Variants in RECK observed in about 807,000 individuals in gnomAD.
RECK encodes the protein reversion-inducing cysteine-rich protein with Kazal motifs.
RECK carries 69 observed loss-of-function variants against 115.1 expected under a neutral mutation model. The observed-to-expected ratio is 0.60, with a 90% CI of 0.49 to 0.73. The LOEUF (loss-of-function observed/expected upper bound fraction) is 0.73, where lower values mean the gene tolerates loss of function less well. RECK is among the 30% of genes least tolerant of loss of function. The pLI, the probability that RECK is intolerant of heterozygous loss-of-function variation, is 0.00. For missense variants in RECK, 1,047 were observed against 1,203.7 expected (o/e 0.87, Z 1.93); for synonymous variants, 414 against 419.7 (o/e 0.99, Z 0.17).
chr9:36,049,155 G>A (rs1041163238), intron 1 of RECK, among the ~76,000 whole-genome samples: 5 of 152,168 alleles, frequency 3.3e-5, no homozygotes, highest in Non-Finnish European at 7.3e-5. Context: ...GGAATCAGGT[G>A]CATCATCTTC....
chr9:36,096,985 C>T (rs1191799583), intron 10 of RECK, among the ~76,000 whole-genome samples: 1 of 151,838 alleles, frequency 6.6e-6, no homozygotes, highest in East Asian at 1.9e-4. Context: ...ACATAAATAA[C>T]TCCTACAACA....
chr9:36,087,195 T>C (rs1283946568), intron 8 of RECK, among the ~76,000 whole-genome samples: 3 of 151,918 alleles, frequency 2.0e-5, no homozygotes, highest in East Asian at 3.9e-4. Context: ...TGCACACATA[T>C]GTTTATTGCA....
intron 6 of RECK, among the ~76,000 whole-genome samples, chr9:36,078,120 T>G (rs2132616141): frequency 6.6e-6 from 1 of 152,390 alleles, no homozygotes; most frequent in African/African-American, 2.4e-5. Flanking sequence ...CAATAAAAAC[T>G]TTATTTCCAA....
intron 9 of RECK, 128 bp downstream of exon 9, chr9:36,088,089 T>C: frequency 1.5e-6 from 1 of 688,990 alleles, no homozygotes; most frequent in Non-Finnish European, 2.4e-6. Context: ...TATAAAATAT[T>C]ATTTCATCCA....
chr9:36,042,020 A>C (rs1820886418), intron 1 of RECK, among the ~76,000 whole-genome samples: 1 of 151,786 alleles, frequency 6.6e-6, no homozygotes, highest in Non-Finnish European at 1.5e-5. Flanking sequence ...ATTTTTTTGT[A>C]CTTTTTTCCT....
At chr9:36,113,160 G>A (rs1237500425) in intron 16 of RECK, among the ~76,000 whole-genome samples, 2 of 152,154 alleles carry the variant, frequency 1.3e-5, no homozygotes, top group Non-Finnish European at 2.9e-5. Context: ...TTCTGTATGG[G>A]GCAGCCACCA....
At position 36,084,410 on chromosome 9, in the gene RECK, A is replaced by G. The variant is rs184348282; in HGVS notation, c.637+848A>G. 1.4e-4 allele frequency among the ~76,000 whole-genome samples: 21 copies of G among 151,010 alleles called. No homozygotes were observed. The East Asian group carries it at 3.5e-3, about 25-fold the overall frequency. Reference sequence around the variant, plus strand: ...TGTCTAAAAAAACAAAACAAAACAAAAAGGCCAGGCACGGTGGCTCACGCC... The same window carrying G: ...TGTCTAAAAAAACAAAACAAAACAAGAAGGCCAGGCACGGTGGCTCACGCC... On this transcript the variant is annotated intron_variant, in intron 8 of 20. Coordinates refer to ENST00000377966, the MANE Select transcript of RECK (RefSeq NM_021111.3).
Position 36,042,423 on chromosome 9 carries a change from AGTGTGTGTGT to A in RECK, c.100+5358_100+5367del, listed in dbSNP as rs35193636. Among the ~76,000 whole-genome samples, 148 of 144,454 alleles carry A rather than the reference AGTGTGTGTGT, an allele frequency of 1.0e-3. 1 individual carries two copies. Among genetic ancestry groups the A allele is most frequent in the Middle Eastern group, 3.5e-3 (1 of 286 alleles). 94.8% of individuals were successfully genotyped at this position (144,454 alleles called of 152,430 possible). ...TTTTTATGGCTGAGTAGTATTCCAT[AGTGTGTGTGT>A]GTGTGTGTGTGTGTGTGTGTGTGTG... On this transcript the variant is annotated intron_variant, in intron 1 of 20. Coordinates refer to ENST00000377966, the MANE Select transcript of RECK (RefSeq NM_021111.3).
intron 6 of RECK, among the ~76,000 whole-genome samples, chr9:36,073,167 T>G (rs545186522): frequency 2.6e-5 from 4 of 151,424 alleles, no homozygotes; most frequent in African/African-American, 4.9e-5. Flanking sequence ...TATTACTTTC[T>G]CTACCTTTTC....
intron 9 of RECK, 105 bp from the exon 10 acceptor site, chr9:36,091,059 C>T: frequency 1.0e-6 from 1 of 963,548 alleles, no homozygotes; most frequent in Non-Finnish European, 1.5e-6. Flanking sequence ...CTTTTTTTCT[C>T]ACATACGTTC....
In RECK at chr9:36,052,286, C is replaced by T; in HGVS notation, c.122C>T (p.Ser41Leu). 1 of 1,609,230 alleles carries T rather than the reference C, an allele frequency of 6.2e-7. No individual in the cohort carries two copies. Among genetic ancestry groups the T allele is most frequent in the South Asian group, 1.1e-5 (1 of 90,926 alleles). Residue 41 changes from serine (S) to leucine (L), a missense_variant, in exon 2 of 21, where the codon TCA becomes TTA. Physicochemically the swap from Ser to Leu is moderately radical, Grantham distance 145. Coordinates refer to ENST00000377966, the MANE Select transcript of RECK (RefSeq NM_021111.3). ...CTAGGTGCATTGTGTTGTAATCATT[C>T]AAAGGATAACCAAATGTGCCGTGAT... The part of the protein sequence containing the change: ...GSAGALCCNH[S>L]KDNQMCRDVC...
chr9:36,063,725 G>C, intron 4 of RECK, 70 bp from the exon 5 acceptor site: 1 of 1,422,970 alleles, frequency 7.0e-7, no homozygotes. Flanking sequence ...TAGTAGCCTT[G>C]AAACATCTGG....
At chr9:36,120,038 T>C (rs1363393013) in intron 18 of RECK, among the ~76,000 whole-genome samples, 1 of 151,838 alleles carries the variant, frequency 6.6e-6, no homozygotes, top group African/African-American at 2.4e-5. Context: ...ATCGAAACCA[T>C]CCTGACTAAC....
intron 10 of RECK, among the ~76,000 whole-genome samples, chr9:36,095,120 T>A (rs1288295597): frequency 1.3e-5 from 2 of 152,170 alleles, no homozygotes; most frequent in Non-Finnish European, 2.9e-5. Flanking sequence ...TGCTTGAACC[T>A]GGGAGGCAGA....
Position 36,108,018 on chromosome 9 carries a change from G to A in RECK, c.1619G>A (p.Gly540Glu), listed in dbSNP as rs1446892862. Residue 540 changes from glycine (G) to glutamate (E), a missense_variant, in exon 14 of 21, where the codon GGG becomes GAG. Transcript: ENST00000377966. ...GCTTCTGATTTCATTGTCCGTCAAG[G>A]GACACTAATCCAGGTGCCATCATCT... ...GEASDFIVRQ[G>E]TLIQVPSSAG... 1.9e-6 allele frequency: 3 copies of A among 1,613,428 alleles called. No homozygotes were observed. The Admixed American group carries it at 5.0e-5, about 27-fold the overall frequency.
rs557241355 is a variant in RECK at position 36,123,084 on chromosome 9, C to G, written c.*39C>G. 6.6e-7 allele frequency: 1 copy of G among 1,519,674 alleles called. No homozygotes were observed. The highest frequency in any genetic ancestry group is 1.4e-5 in the African/African-American group (1 of 72,972). The allele number at this position is 1,519,674 out of a possible 1,614,324, so 94.1% of individuals were successfully genotyped here. On this transcript the variant is annotated 3_prime_UTR_variant, in exon 21 of 21. Coordinates refer to ENST00000377966, the MANE Select transcript of RECK (RefSeq NM_021111.3). ...GTGCAGAATGCTCCTCCACCTCACT[C>G]TCCTGCCTTGAAAAAGACATTCAGG...
chr9:36,064,375 C>T (rs781173253), intron 5 of RECK, among the ~76,000 whole-genome samples: 4 of 152,070 alleles, frequency 2.6e-5, no homozygotes, highest in Non-Finnish European at 5.9e-5. Flanking sequence ...ATAGTTCTGC[C>T]CCAATTCAGC....
intron 17 of RECK, among the ~76,000 whole-genome samples, chr9:36,117,854 C>G (rs567960831): frequency 6.6e-6 from 1 of 152,302 alleles, no homozygotes; most frequent in African/African-American, 2.4e-5. Flanking sequence ...GTGGCACATG[C>G]CTGTAATCCC....
chr9:36,112,565 A>T, intron 16 of RECK, 89 bp downstream of exon 16: 2 of 1,355,022 alleles, frequency 1.5e-6, no homozygotes, highest in Non-Finnish European at 2.1e-6. Context: ...ACAGAAAGGT[A>T]AATTAAGAAA....
Sources: gnomAD v4.1 joint callset for allele counts (sites outside exome capture counted in the v4.1 genomes callset) on GRCh38, gnomAD v4.1.1 for gene constraint, MANE v1.5 for transcripts, NCBI Gene and HGNC (gene_info 2026-07-23, HGNC 2026-07-21) for gene names.